Variants in LRRC56 observed in about 807,000 individuals in gnomAD.
LRRC56 encodes the protein leucine-rich repeat-containing protein 56.
A neutral mutation model predicts 47.8 loss-of-function variants in LRRC56; 41 were observed. The observed-to-expected ratio is 0.86, with a 90% CI of 0.67 to 1.11. The LOEUF is 1.11. LRRC56 is among the 50% of genes most tolerant of loss of function. LRRC56 has a pLI of 0.00. For missense variants in LRRC56, 759 were observed against 704.2 expected (o/e 1.08, Z -0.88); for synonymous variants, 387 against 311.2 (o/e 1.24, Z -2.56).
the LRRC56 span, among the ~76,000 whole-genome samples, chr11:522,255 T>TTTTTG: frequency 6.7e-3 from 1,019 of 151,462 alleles, 22 homozygotes; most frequent in African/African-American, 0.023. Flanking sequence ...ATTTCTGGTT[T>TTTTTG]TTTTGTTTTG....
At chr11:524,701 G>A in the LRRC56 span, among the ~76,000 whole-genome samples, 32,733 of 151,894 alleles carry the variant, frequency 0.22, 3,879 homozygotes, top group African/African-American at 0.32. Flanking sequence ...AAGCAGTGTG[G>A]GAACAACTGG....
chr11:515,274 A>G, the LRRC56 span, among the ~76,000 whole-genome samples: 6 of 152,268 alleles, frequency 3.9e-5, no homozygotes, highest in South Asian at 2.1e-4. Flanking sequence ...ACAGCACCCC[A>G]TGACTCCTGG....
intron 13 of LRRC56, among the ~76,000 whole-genome samples, chr11:553,695 CCTT>C (rs1336457948): frequency 6.6e-6 from 1 of 152,186 alleles, no homozygotes; most frequent in East Asian, 1.9e-4. Flanking sequence ...CTTGTGGTCT[CCTT>C]CTCAGGGACA....
chr11:534,873 GCC>G (rs905073140), upstream of LRRC56, among the ~76,000 whole-genome samples: 2 of 152,220 alleles, frequency 1.3e-5, no homozygotes, highest in African/African-American at 4.8e-5. Flanking sequence ...CCCGGGCAGC[GCC>G]CCGCACCCCC....
chr11:526,729 G>A, the LRRC56 span, among the ~76,000 whole-genome samples: 64 of 152,072 alleles, frequency 4.2e-4, no homozygotes, highest in Middle Eastern at 3.4e-3. Context: ...CTGAGGTCAG[G>A]AGTTGGAGAC....
At chr11:538,372 G>T (rs1851625515) in intron 1 of LRRC56, among the ~76,000 whole-genome samples, 3 of 152,186 alleles carry the variant, frequency 2.0e-5, no homozygotes, top group African/African-American at 7.2e-5. Context: ...AGAGTCTTTG[G>T]GGGGATGCAG....
chr11:510,031 G>A, the LRRC56 span, among the ~76,000 whole-genome samples: 8 of 151,750 alleles, frequency 5.3e-5, no homozygotes, highest in South Asian at 2.1e-4. Context: ...CTTTCCTTCC[G>A]ATCCTGCTCC....
At chr11:542,687 C>T (rs1209438270) in intron 5 of LRRC56, among the ~76,000 whole-genome samples, 7 of 151,656 alleles carry the variant, frequency 4.6e-5, no homozygotes, top group African/African-American at 1.7e-4. Context: ...CCCGTGCGTG[C>T]ACAGCGCGTC....
At chr11:551,367 C>T (rs1852379360) in intron 9 of LRRC56, 65 bp downstream of exon 9, 2 of 1,089,616 alleles carry the variant, frequency 1.8e-6, no homozygotes, top group Non-Finnish European at 2.6e-6. Context: ...GAGGCCCCCA[C>T]CCCAGGCTTC....
At chr11:514,566 C>T in the LRRC56 span, among the ~76,000 whole-genome samples, 3 of 150,118 alleles carry the variant, frequency 2.0e-5, no homozygotes, top group East Asian at 5.8e-4. Context: ...CAGGTGTGAG[C>T]CACTGTGCCC....
At chr11:533,981 C>A (rs746697013), upstream of LRRC56, 15 of 1,598,448 alleles carry the variant, frequency 9.4e-6, no homozygotes, top group Admixed American at 2.2e-4. Flanking sequence ...CCCTCAGGAC[C>A]TTCCGTGGGG....
upstream of LRRC56, chr11:533,160 C>A: frequency 3.2e-6 from 3 of 936,290 alleles, no homozygotes; most frequent in Non-Finnish European, 4.7e-6. Context: ...TGGCTCAGGG[C>A]AGCTCTCCCC....
In LRRC56 at chr11:554,775, C is replaced by T. The variant is rs1270488518; in HGVS notation, c.*499C>T. On this transcript the variant is annotated 3_prime_UTR_variant, in exon 14 of 14. Transcript: ENST00000270115. ...GTCTCCGGGGGATCTGTAGGGTTCC[C>T]GCACTGCGATAGGGCGGCCCGTTCC... The T allele has an allele frequency of 2.0e-6, 1 of 512,720 alleles. No individual in the cohort carries two copies. Among genetic ancestry groups the T allele is most frequent in the Non-Finnish European group, 3.4e-6 (1 of 292,288 alleles). 31.8% of individuals were successfully genotyped at this position (512,720 alleles called of 1,614,324 possible). A position where few individuals can be genotyped will look rare whatever the true frequency, so the allele number is the denominator to read the frequency against.
chr11:521,872 G>GTA, the LRRC56 span, among the ~76,000 whole-genome samples: 1 of 151,076 alleles, frequency 6.6e-6, no homozygotes, highest in African/African-American at 2.4e-5. Context: ...CCGAGATCAC[G>GTA]CCACTGCACT....
the LRRC56 span, among the ~76,000 whole-genome samples, chr11:523,089 C>T: frequency 2.0e-5 from 3 of 152,218 alleles, no homozygotes; most frequent in South Asian, 2.1e-4. Context: ...AGTGCAATGG[C>T]GCCATCTCTG....
chr11:552,919 C>T (rs1852492624), intron 13 of LRRC56, among the ~76,000 whole-genome samples: 1 of 152,234 alleles, frequency 6.6e-6, no homozygotes, highest in South Asian at 2.1e-4. Flanking sequence ...CGGTCCAATC[C>T]CTGTGACCTT....
At chr11:532,318 G>C in the LRRC56 span, 1 of 506,978 alleles carries the variant, frequency 2.0e-6, no homozygotes, top group Admixed American at 3.3e-5. Context: ...GGGGAGCTAA[G>C]GGCTGGGGTT....
the LRRC56 span, among the ~76,000 whole-genome samples, chr11:528,272 G>A: frequency 1.3e-5 from 2 of 152,222 alleles, no homozygotes; most frequent in South Asian, 2.1e-4. Flanking sequence ...AGCTGGTGGC[G>A]AGTCCTGAGC....
chr11:549,965 C>T lies in LRRC56; in HGVS notation c.390C>T (p.Asp130=), dbSNP rs1852290949. The change falls in exon 7 of 14, where the codon GAC becomes GAT. Residue 130 remains aspartate (D), a synonymous_variant. Transcript: ENST00000270115. ...VLWLARCGLA[D]LDGIASLPAL... is the part of the protein sequence containing the mutation. ...GGCTGGCTCGCTGTGGCCTCGCTGACCTGGATGGCATCGCCTCTTTGCCAG... is the reference window on the plus strand; with the variant it reads ...GGCTGGCTCGCTGTGGCCTCGCTGATCTGGATGGCATCGCCTCTTTGCCAG... 1 of 1,612,842 alleles carries T rather than the reference C, an allele frequency of 6.2e-7. No homozygotes were observed. The highest frequency in any genetic ancestry group is 1.3e-5 in the African/African-American group (1 of 75,064).
Sources: allele counts gnomAD v4.1 joint callset (sites outside exome capture counted in the v4.1 genomes callset), GRCh38; gene constraint gnomAD v4.1.1; transcripts MANE v1.5; gene names NCBI Gene and HGNC (gene_info 2026-07-23, HGNC 2026-07-21).